The following OSBPL3 variants were observed in gnomAD, a reference collection of about 807,000 sequenced individuals.
The protein encoded by OSBPL3 is oxysterol binding protein like 3, also known as oxysterol-binding protein-related protein 3.
A neutral mutation model predicts 120.1 loss-of-function variants in OSBPL3; 65 were observed. The observed-to-expected ratio is 0.54, with a 90% CI of 0.44 to 0.67. The LOEUF (loss-of-function observed/expected upper bound fraction) is 0.67. Ranked by LOEUF, OSBPL3 falls within the 30% of genes least tolerant of loss-of-function variation. The pLI, the probability that OSBPL3 is intolerant of heterozygous loss-of-function variation, is 0.00. For missense variants in OSBPL3, 1,004 were observed against 1,082.1 expected (o/e 0.93, Z 1.01); for synonymous variants, 416 against 402.6 (o/e 1.03, Z -0.40).
chr7:24,943,681 A>C (rs1016832920), intron 1 of OSBPL3, among the ~76,000 whole-genome samples: 1 of 152,228 alleles, frequency 6.6e-6, no homozygotes, highest in African/African-American at 2.4e-5. Context: ...ATTTTGAAAC[A>C]GATCAGGCAA....
chr7:24,884,957 T>A (rs1243056439), intron 2 of OSBPL3, among the ~76,000 whole-genome samples: 2 of 152,092 alleles, frequency 1.3e-5, no homozygotes, highest in Admixed American at 1.3e-4. Flanking sequence ...AGATGCTAAA[T>A]CTTAGTATCT....
rs60201625 is a variant in OSBPL3 at position 24,813,590 on chromosome 7, T to C, written c.2172+1469A>G. Reference sequence around the variant, plus strand: ...CCCACATGTAAGGTCATTATGGGCTTTATGTCTGTCTATAATCCAGTTTGA... The same window carrying C: ...CCCACATGTAAGGTCATTATGGGCTCTATGTCTGTCTATAATCCAGTTTGA... On this transcript the variant is annotated intron_variant, in intron 19 of 22. Coordinates refer to ENST00000313367, the MANE Select transcript of OSBPL3 (RefSeq NM_015550.4). The surrounding 1 kb of genome is among the most constrained non-coding windows in gnomAD (Gnocchi z 4.5). Among the ~76,000 whole-genome samples the C allele has an allele frequency of 4.7e-4, 71 of 152,292 alleles. No homozygotes were observed. In the East Asian group the frequency reaches 0.014, roughly 29 times the overall value.
At chr7:24,886,943 T>A (rs1446995771) in intron 2 of OSBPL3, among the ~76,000 whole-genome samples, 1 of 152,202 alleles carries the variant, frequency 6.6e-6, no homozygotes, top group Non-Finnish European at 1.5e-5. Context: ...CAAACCACGG[T>A]CATTTTCAGG....
chr7:24,951,436 A>ACT (rs1348066460), intron 1 of OSBPL3, among the ~76,000 whole-genome samples: 1 of 152,218 alleles, frequency 6.6e-6, no homozygotes, highest in Non-Finnish European at 1.5e-5. Context: ...AAAATAAATC[A>ACT]CTGAATGTTA....
rs1292865757 is a variant in OSBPL3, at chr7:24,863,881, G to A, written c.674-282C>T. Among the ~76,000 whole-genome samples, 2 of 152,180 alleles carry A rather than the reference G, an allele frequency of 1.3e-5. No individual in the cohort carries two copies. The highest frequency in any genetic ancestry group is 2.9e-5 in the Non-Finnish European group (2 of 68,030). ...CATGCCTCAACTTCCTCATCAGAAA[G>A]ATGGGGATAATTATACATCACATGA... On this transcript the variant is annotated intron_variant, in intron 7 of 22. Coordinates refer to ENST00000313367, the MANE Select transcript of OSBPL3 (RefSeq NM_015550.4). The surrounding 1 kb of genome is among the most constrained non-coding windows in gnomAD (Gnocchi z 5.8).
At chr7:24,810,431 G>C (rs1300667148) in intron 19 of OSBPL3, 1 of 152,926 alleles carries the variant, frequency 6.5e-6, no homozygotes, top group African/African-American at 2.4e-5. Flanking sequence ...GCTGAGGCAG[G>C]AGAATCGCTT....
At chr7:24,885,227 CAAAA>C (rs59823834) in intron 2 of OSBPL3, among the ~76,000 whole-genome samples, 1 of 112,226 alleles carries the variant, frequency 8.9e-6, no homozygotes. Flanking sequence ...GTCTCAAAAA[CAAAA>C]AAAAAAAAAA....
rs1806901942 is a variant in OSBPL3, at chr7:24,900,981, A to ACTGCACT, written c.-149-8367_-149-8361dup. 6.7e-6 allele frequency among the ~76,000 whole-genome samples: 1 copy of ACTGCACT among 149,576 alleles called. No individual in the cohort carries two copies. Among genetic ancestry groups the ACTGCACT allele is most frequent in the South Asian group, 2.1e-4 (1 of 4,724 alleles). ...GGTTGCAGTGAGCTGAGGTTTTGCC[A>ACTGCACT]CTGCACTCCAGCCTGGGCTACAGAG... On this transcript the variant is annotated intron_variant, in intron 1 of 22. Coordinates refer to ENST00000313367, the MANE Select transcript of OSBPL3 (RefSeq NM_015550.4). This position sits in a 1 kb window ranked among gnomAD's most constrained non-coding sequence, Gnocchi z 4.5.
At chr7:24,897,170 T>C (rs1410626198) in intron 1 of OSBPL3, among the ~76,000 whole-genome samples, 3 of 151,634 alleles carry the variant, frequency 2.0e-5, no homozygotes, top group Admixed American at 6.6e-5. Flanking sequence ...AAAATGAGGA[T>C]ACAGTGTCTG....
intron 1 of OSBPL3, among the ~76,000 whole-genome samples, chr7:24,901,572 T>C (rs947882681): frequency 2.0e-5 from 3 of 152,196 alleles, no homozygotes; most frequent in Non-Finnish European, 2.9e-5. Flanking sequence ...CCAGACTTTA[T>C]CATTCAGTGG....
chr7:24,833,179 T>C lies in OSBPL3; in HGVS notation c.1746+1307A>G, dbSNP rs990693965. ...GTTTAAAAAATACAGCTTGTTTTTG[T>C]CTCCTACCCTGATTATCAGTAACAA... On this transcript the variant is annotated intron_variant, in intron 15 of 22. Coordinates refer to ENST00000313367, the MANE Select transcript of OSBPL3 (RefSeq NM_015550.4). The surrounding 1 kb of genome is among the most constrained non-coding windows in gnomAD (Gnocchi z 4.4). Among the ~76,000 whole-genome samples the C allele has an allele frequency of 3.3e-5, 5 of 152,176 alleles. No homozygotes were observed. Among genetic ancestry groups the C allele is most frequent in the Non-Finnish European group, 7.3e-5 (5 of 68,032 alleles).
intron 1 of OSBPL3, among the ~76,000 whole-genome samples, chr7:24,928,909 C>T (rs1052071063): frequency 2.0e-5 from 3 of 152,154 alleles, no homozygotes; most frequent in Non-Finnish European, 4.4e-5. Flanking sequence ...TATCTGTTCA[C>T]CAGCTGATGA....
In OSBPL3 at chr7:24,871,136, T is replaced by G. The variant is rs991137971; in HGVS notation, c.268-291A>C. ...TGAGGAAACAAAAGAGTAAGCACCG[T>G]GGGTTGACTCCCATGGCAGTGAATT... On this transcript the variant is annotated intron_variant, in intron 4 of 22. Transcript: ENST00000313367. This position sits in a 1 kb window ranked among gnomAD's most constrained non-coding sequence, Gnocchi z 4.8. 1.3e-5 allele frequency among the ~76,000 whole-genome samples: 2 copies of G among 152,224 alleles called. No individual in the cohort carries two copies. The highest frequency in any genetic ancestry group is 4.8e-5 in the African/African-American group (2 of 41,454).
Position 24,849,302 on chromosome 7 carries a change from C to T in OSBPL3, c.1159-126G>A, listed in dbSNP as rs909835690. The stretch of plus-strand genomic sequence containing the variant: ...CTCTTAGTGACGTGGTCTGACAGCG[C>T]ACTTTCTGGACTTTTTCCTTGAATG... On this transcript the variant is annotated intron_variant, in intron 11 of 22. Coordinates refer to ENST00000313367, the MANE Select transcript of OSBPL3 (RefSeq NM_015550.4). The surrounding 1 kb of genome is among the most constrained non-coding windows in gnomAD (Gnocchi z 5.4). 9 of 649,262 alleles carry T rather than the reference C, an allele frequency of 1.4e-5. No homozygotes were observed. The highest frequency in any genetic ancestry group is 2.1e-5 in the Non-Finnish European group (8 of 376,972). The allele number at this position is 649,262 out of a possible 1,614,324, so 40.2% of individuals were successfully genotyped here.
chr7:24,903,373 G>A (rs751229518), intron 1 of OSBPL3, among the ~76,000 whole-genome samples: 4 of 152,226 alleles, frequency 2.6e-5, no homozygotes, highest in African/African-American at 9.6e-5. Flanking sequence ...AGAGACCCAA[G>A]TGGCCAATGT....
rs531463446 is a variant in OSBPL3, at chr7:24,842,573, A to G, written c.1267-160T>C. Among the ~76,000 whole-genome samples the G allele has an allele frequency of 4.6e-5, 7 of 152,310 alleles. No individual in the cohort carries two copies. The East Asian group carries it at 1.3e-3, about 29-fold the overall frequency. On this transcript the variant is annotated intron_variant, in intron 12 of 22. Coordinates refer to ENST00000313367, the MANE Select transcript of OSBPL3 (RefSeq NM_015550.4). ...AACACTGAGATGCGAGCCTCATGCAAAACACAAAAGTTCTCCCCCAATATG... is the reference window on the plus strand; with the variant it reads ...AACACTGAGATGCGAGCCTCATGCAGAACACAAAAGTTCTCCCCCAATATG...
At position 24,805,017 on chromosome 7, in the gene OSBPL3, T is replaced by A. The variant is rs1312472409; in HGVS notation, c.2445-580A>T. ...TGGATAGACATTTGAATCATTTGAA[T>A]CATTTTAATGTGACAATGCCGCAAT... On this transcript the variant is annotated intron_variant, in intron 21 of 22. Transcript: ENST00000313367. This position sits in a 1 kb window ranked among gnomAD's most constrained non-coding sequence, Gnocchi z 4.0. Among the ~76,000 whole-genome samples the A allele has an allele frequency of 6.6e-6, 1 of 152,244 alleles. No individual in the cohort carries two copies. Among genetic ancestry groups the A allele is most frequent in the Non-Finnish European group, 1.5e-5 (1 of 68,028 alleles).
chr7:24,925,717 A>G (rs1036907653), intron 1 of OSBPL3, among the ~76,000 whole-genome samples: 11 of 152,188 alleles, frequency 7.2e-5, no homozygotes, highest in African/African-American at 2.7e-4. Context: ...GAATCACTGA[A>G]TTGTATACAA....
Position 24,822,031 on chromosome 7 carries a change from G to A in OSBPL3, c.1885-1793C>T, listed in dbSNP as rs116662557. Among the ~76,000 whole-genome samples the A allele has an allele frequency of 4.7e-3, 715 of 152,134 alleles. 11 individuals carry two copies. The highest frequency in any genetic ancestry group is 0.016 in the African/African-American group (680 of 41,514). ...TGGGACTAAAGGTGTGTGCCACCAC[G>A]CCCGGCTAATTTTTTCACTTTTTGT... On this transcript the variant is annotated intron_variant, in intron 16 of 22. Transcript: ENST00000313367. This position sits in a 1 kb window ranked among gnomAD's most constrained non-coding sequence, Gnocchi z 5.8.
Sources: allele counts gnomAD v4.1 joint callset (sites outside exome capture counted in the v4.1 genomes callset), GRCh38; gene constraint gnomAD v4.1.1; non-coding constraint Gnocchi (gnomAD v3.1); transcripts MANE v1.5; gene names NCBI Gene and HGNC (gene_info 2026-07-23, HGNC 2026-07-21).